LRRC8B: variants seen among roughly 807,000 people sequenced by gnomAD.
LRRC8B encodes the protein leucine rich repeat containing 8 VRAC subunit B.
Under a neutral mutation model 58.8 loss-of-function variants are expected in LRRC8B, and 23 were observed. The ratio of observed to expected loss-of-function variants is 0.39; its 90% CI spans 0.28 to 0.55. The LOEUF (loss-of-function observed/expected upper bound fraction) is 0.55, where lower values mean the gene tolerates loss of function less well. Among genes scored for constraint, LRRC8B ranks in the 20% least tolerant of loss-of-function variants. LRRC8B has a pLI of 0.62. For missense variants in LRRC8B, 694 were observed against 936.0 expected (o/e 0.74, Z 3.37); for synonymous variants, 359 against 374.1 (o/e 0.96, Z 0.47).
At chr1:89,540,773 A>T (rs1021745709) in intron 1 of LRRC8B, among the ~76,000 whole-genome samples, 2 of 152,224 alleles carry the variant, frequency 1.3e-5, no homozygotes, top group Non-Finnish European at 2.9e-5. Context: ...GAGAGAGATC[A>T]TATTGCGAGA....
intron 1 of LRRC8B, among the ~76,000 whole-genome samples, chr1:89,546,975 C>A (rs1570578366): frequency 6.6e-6 from 1 of 152,148 alleles, no homozygotes; most frequent in African/African-American, 2.4e-5. Flanking sequence ...TAAACATAGT[C>A]ATTAAAAACT....
chr1:89,541,372 T>C (rs1378588912), intron 1 of LRRC8B, among the ~76,000 whole-genome samples: 1 of 152,160 alleles, frequency 6.6e-6, no homozygotes, highest in Non-Finnish European at 1.5e-5. Context: ...ACTGTGAACA[T>C]AGAAAGTAGA....
chr1:89,538,534 T>C (rs977824494), intron 1 of LRRC8B, among the ~76,000 whole-genome samples: 5 of 152,206 alleles, frequency 3.3e-5, no homozygotes, highest in Non-Finnish European at 7.3e-5. Flanking sequence ...TTGTCACTTT[T>C]AGGGAAATAC....
At chr1:89,544,512 T>G (rs942856333) in intron 1 of LRRC8B, among the ~76,000 whole-genome samples, 1 of 152,230 alleles carries the variant, frequency 6.6e-6, no homozygotes, top group Non-Finnish European at 1.5e-5. Context: ...CCTTTTCCTA[T>G]GTTGGCCTAG....
chr1:89,533,223 C>T (rs2100795376), intron 1 of LRRC8B, among the ~76,000 whole-genome samples: 1 of 152,306 alleles, frequency 6.6e-6, no homozygotes, highest in South Asian at 2.1e-4. Context: ...GGTTTAATAA[C>T]CCTTTAATGG....
intron 1 of LRRC8B, among the ~76,000 whole-genome samples, chr1:89,550,775 T>C (rs1030150263): frequency 2.6e-5 from 4 of 152,138 alleles, no homozygotes; most frequent in African/African-American, 9.7e-5. Context: ...TCATTCCTGG[T>C]CAGTCTCACT....
At chr1:89,573,610 A>T (rs1375029645) in intron 3 of LRRC8B, among the ~76,000 whole-genome samples, 1 of 152,078 alleles carries the variant, frequency 6.6e-6, no homozygotes, top group Admixed American at 6.6e-5. Context: ...TTTTATGATG[A>T]TGTCAGCTTC....
intron 1 of LRRC8B, among the ~76,000 whole-genome samples, chr1:89,532,419 A>C (rs1650209221): frequency 6.6e-6 from 1 of 152,124 alleles, no homozygotes; most frequent in African/African-American, 2.4e-5. Context: ...CCCCACCCAA[A>C]TCTCATCTTG....
At position 89,582,685 on chromosome 1, in the gene LRRC8B, A is replaced by T; in HGVS notation, c.35A>T (p.Asp12Val). The change falls in exon 5 of 6, where the codon GAT becomes GTT. Residue 12 changes from aspartate (D) to valine (V), a missense_variant. Asp to Val is a radical substitution (Grantham distance 152). Around this residue, in one of 5 missense-constraint regions of LRRC8B, gnomAD observed 316 missense variants for 403.8 expected, o/e 0.78. Coordinates refer to ENST00000330947, the MANE Select transcript of LRRC8B (RefSeq NM_001369817.2). Reference protein sequence around the residue: ...ITLTELKCLADAQSSYHILKP... With the variant: ...ITLTELKCLAVAQSSYHILKP... ...CTAACTGAGCTAAAATGCTTAGCAG[A>T]TGCCCAGTCATCTTATCACATCTTA... The T allele has an allele frequency of 6.2e-7, 1 of 1,614,130 alleles. No homozygotes were observed. The highest frequency in any genetic ancestry group is 8.5e-7 in the Non-Finnish European group (1 of 1,179,962).
At chr1:89,581,756 A>G (rs1423434895) in intron 4 of LRRC8B, among the ~76,000 whole-genome samples, 1 of 152,276 alleles carries the variant, frequency 6.6e-6, no homozygotes, top group Non-Finnish European at 1.5e-5. Context: ...TCCCCATGAT[A>G]GAATATTCTA....
At chr1:89,580,416 A>T (rs965902799) in intron 4 of LRRC8B, among the ~76,000 whole-genome samples, 2 of 152,226 alleles carry the variant, frequency 1.3e-5, no homozygotes, top group African/African-American at 4.8e-5. Context: ...CAGCTGTCTC[A>T]TGACTAGCTG....
chr1:89,582,203 C>A (rs1654273857), intron 4 of LRRC8B, among the ~76,000 whole-genome samples: 1 of 142,520 alleles, frequency 7.0e-6, no homozygotes, highest in Non-Finnish European at 1.5e-5. Flanking sequence ...GCCTGTGAGA[C>A]CCTGTCTCAA....
chr1:89,573,633 C>G (rs1048341186), intron 3 of LRRC8B, among the ~76,000 whole-genome samples: 4 of 152,126 alleles, frequency 2.6e-5, no homozygotes, highest in African/African-American at 9.7e-5. Flanking sequence ...TCCTTGAATT[C>G]TGATTTTTGT....
intron 3 of LRRC8B, among the ~76,000 whole-genome samples, chr1:89,577,272 A>C (rs1167763511): frequency 6.6e-6 from 1 of 152,202 alleles, no homozygotes; most frequent in Non-Finnish European, 1.5e-5. Flanking sequence ...AATGCTTTCA[A>C]AGTAAAATAA....
intron 1 of LRRC8B, among the ~76,000 whole-genome samples, chr1:89,532,713 T>G (rs1650230888): frequency 6.6e-6 from 1 of 152,194 alleles, no homozygotes; most frequent in Non-Finnish European, 1.5e-5. Flanking sequence ...TACCCAGTCT[T>G]GAGTATGTCT....
chr1:89,543,269 T>C (rs764044055), intron 1 of LRRC8B, among the ~76,000 whole-genome samples: 3 of 152,126 alleles, frequency 2.0e-5, no homozygotes, highest in Non-Finnish European at 4.4e-5. Context: ...CCTTGAAAAG[T>C]CTTTTATGCT....
At position 89,593,436 on chromosome 1, in the gene LRRC8B, T is replaced by A. The variant is rs1655122408; in HGVS notation, c.*393T>A. ...TGAGAAGTAAAATTTTCTAAGTTAA[T>A]AAAGATGAAGAATGGGTGACTATTA... is the stretch of plus-strand genomic sequence containing the variant. On this transcript the variant is annotated 3_prime_UTR_variant, in exon 6 of 6. Transcript: ENST00000330947. 6.2e-6 allele frequency: 1 copy of A among 161,376 alleles called. No homozygotes were observed. The highest frequency in any genetic ancestry group is 2.4e-5 in the African/African-American group (1 of 41,262). The allele number at this position is 161,376 out of a possible 1,614,324, so 10.0% of individuals were successfully genotyped here. A position where few individuals can be genotyped will look rare whatever the true frequency, so the allele number is the denominator to read the frequency against.
intron 1 of LRRC8B, among the ~76,000 whole-genome samples, chr1:89,559,190 G>A (rs1652420523): frequency 6.6e-6 from 1 of 152,084 alleles, no homozygotes; most frequent in African/African-American, 2.4e-5. Flanking sequence ...ATACACAGAG[G>A]TGGCGGATGA....
chr1:89,590,255 C>T (rs923588936), intron 5 of LRRC8B, among the ~76,000 whole-genome samples: 1 of 152,084 alleles, frequency 6.6e-6, no homozygotes, highest in African/African-American at 2.4e-5. Flanking sequence ...TTTGTTGACC[C>T]AGGCAAAATT....
Sources: allele counts gnomAD v4.1 joint callset (sites outside exome capture counted in the v4.1 genomes callset), GRCh38; gene constraint gnomAD v4.1.1; regional missense constraint gnomAD v4.1.1; transcripts MANE v1.5; gene names NCBI Gene and HGNC (gene_info 2026-07-23, HGNC 2026-07-21).